Variants in PXDNL observed in about 807,000 individuals in gnomAD.
PXDNL encodes the protein peroxidasin like.
Under a neutral mutation model 150.8 loss-of-function variants are expected in PXDNL, and 145 were observed. The observed-to-expected ratio is 0.96, with a 90% CI of 0.84 to 1.10. PXDNL has a LOEUF of 1.10. Among genes scored for constraint, PXDNL ranks in the 50% least tolerant of loss-of-function variants. PXDNL has a pLI of 0.00. For missense variants in PXDNL, 2,087 were observed against 1,873.9 expected, an observed-to-expected ratio of 1.11 and a Z score of -2.10; for synonymous variants, 757 against 725.7, an observed-to-expected ratio of 1.04 and a Z score of -0.69.
At chr8:51,538,654 C>A (rs990004766) in intron 4 of PXDNL, among the ~76,000 whole-genome samples, 10 of 152,000 alleles carry the variant, frequency 6.6e-5, no homozygotes, top group African/African-American at 2.2e-4. Flanking sequence ...GTAATCCCAG[C>A]TACTCAGGAG....
chr8:51,463,791 A>G (rs563688378), intron 8 of PXDNL, among the ~76,000 whole-genome samples: 1 of 152,316 alleles, frequency 6.6e-6, no homozygotes, highest in African/African-American at 2.4e-5. Context: ...AAAAATGAAT[A>G]CCAAGAATAT....
chr8:51,680,844 T>G (rs1427641195), intron 1 of PXDNL, among the ~76,000 whole-genome samples: 2 of 152,204 alleles, frequency 1.3e-5, no homozygotes, highest in Non-Finnish European at 2.9e-5. Flanking sequence ...TTAAGGGAAT[T>G]AATGAGGTGG....
intron 17 of PXDNL, among the ~76,000 whole-genome samples, chr8:51,403,352 T>C (rs1350077499): frequency 6.6e-6 from 1 of 152,164 alleles, no homozygotes; most frequent in African/African-American, 2.4e-5. Context: ...CTGACAGCAG[T>C]GAACTCTGAG....
chr8:51,615,240 C>T (rs574961931), intron 2 of PXDNL, among the ~76,000 whole-genome samples: 1 of 151,848 alleles, frequency 6.6e-6, no homozygotes, highest in South Asian at 2.1e-4. Flanking sequence ...TGAGAATTTA[C>T]TCATTTAAAA....
intron 4 of PXDNL, among the ~76,000 whole-genome samples, chr8:51,510,672 C>A (rs1268246170): frequency 1.3e-5 from 2 of 152,076 alleles, no homozygotes; most frequent in East Asian, 3.9e-4. Context: ...CCCAGGAGAC[C>A]TGAGGCTCAT....
chr8:51,803,770 T>C (rs1013268545), intron 1 of PXDNL, among the ~76,000 whole-genome samples: 1 of 152,222 alleles, frequency 6.6e-6, no homozygotes, highest in Admixed American at 6.5e-5. Flanking sequence ...TTCTAGCCTA[T>C]GTGGCCTTTT....
chr8:51,456,059 G>A (rs1809931454), intron 9 of PXDNL, among the ~76,000 whole-genome samples: 1 of 152,070 alleles, frequency 6.6e-6, no homozygotes, highest in African/African-American at 2.4e-5. Context: ...ACTCTCTTCT[G>A]CCCTGTGGCA....
chr8:51,684,144 A>C (rs922876286), intron 1 of PXDNL, among the ~76,000 whole-genome samples: 5 of 152,200 alleles, frequency 3.3e-5, no homozygotes, highest in Non-Finnish European at 5.9e-5. Flanking sequence ...ACATGCATCC[A>C]CATGCTTATA....
At chr8:51,496,457 G>A (rs1276761544) in intron 5 of PXDNL, among the ~76,000 whole-genome samples, 1 of 152,136 alleles carries the variant, frequency 6.6e-6, no homozygotes, top group East Asian at 1.9e-4. Context: ...AGGAAATAAA[G>A]GGTATTCAAT....
chr8:51,438,411 CTA>C (rs1809458301), intron 12 of PXDNL, among the ~76,000 whole-genome samples: 1 of 152,136 alleles, frequency 6.6e-6, no homozygotes, highest in South Asian at 2.1e-4. Context: ...TGACTTCAAA[CTA>C]TACTATAAGG....
intron 1 of PXDNL, among the ~76,000 whole-genome samples, chr8:51,803,224 T>A (rs1231878288): frequency 3.9e-5 from 6 of 152,310 alleles, no homozygotes; most frequent in Non-Finnish European, 8.8e-5. Context: ...GTCCTGACTG[T>A]TGATCTAGAC....
intron 3 of PXDNL, among the ~76,000 whole-genome samples, chr8:51,589,809 G>C (rs1234964141): frequency 6.6e-6 from 1 of 152,154 alleles, no homozygotes; most frequent in African/African-American, 2.4e-5. Flanking sequence ...AAAACAGAAA[G>C]ATTTGGAAAA....
In PXDNL at chr8:51,748,599, T is replaced by C. The variant is rs187003418; in HGVS notation, c.164+60582A>G. ...TAGCAAGAACAGCTGGAAAGTTTGT[T>C]TGGGCATGGGGGTGAAGCAGGAGTT... On this transcript the variant is annotated intron_variant, in intron 1 of 22. Coordinates refer to ENST00000356297, the MANE Select transcript of PXDNL (RefSeq NM_144651.5). Among the ~76,000 whole-genome samples, 595 of 152,256 alleles carry C rather than the reference T, an allele frequency of 3.9e-3. 2 individuals are homozygous for C. The highest frequency in any genetic ancestry group is 0.02 in the Middle Eastern group (6 of 294).
At chr8:51,761,511 T>C (rs975984860) in intron 1 of PXDNL, among the ~76,000 whole-genome samples, 1 of 152,226 alleles carries the variant, frequency 6.6e-6, no homozygotes. Flanking sequence ...AGGCTATGCC[T>C]CACCGTATTT....
At chr8:51,724,336 A>G (rs2130922211) in intron 1 of PXDNL, among the ~76,000 whole-genome samples, 1 of 152,258 alleles carries the variant, frequency 6.6e-6, no homozygotes, top group Admixed American at 6.5e-5. Flanking sequence ...AAGAGATGTC[A>G]TCAGAGGAGA....
intron 4 of PXDNL, among the ~76,000 whole-genome samples, chr8:51,549,513 A>G (rs1320891836): frequency 6.6e-6 from 1 of 152,200 alleles, no homozygotes; most frequent in African/African-American, 2.4e-5. Context: ...AAAATTGGAA[A>G]TTCACTCTAA....
chr8:51,441,951 A>G (rs11780995), intron 12 of PXDNL, among the ~76,000 whole-genome samples: 81,718 of 151,710 alleles, frequency 0.54, 26,057 homozygotes, highest in Non-Finnish European at 0.7. Flanking sequence ...GAGCACCCTG[A>G]TGACCAAATA....
chr8:51,704,055 C>A (rs768585210), intron 1 of PXDNL, among the ~76,000 whole-genome samples: 3 of 152,130 alleles, frequency 2.0e-5, no homozygotes, highest in African/African-American at 4.8e-5. Flanking sequence ...AGAGAACTAC[C>A]AAGAACATTG....
At chr8:51,377,070 T>C (rs1563381355) in intron 17 of PXDNL, among the ~76,000 whole-genome samples, 1 of 150,290 alleles carries the variant, frequency 6.7e-6, no homozygotes, top group Non-Finnish European at 1.5e-5. Flanking sequence ...TCTGCTTTAA[T>C]GTCACCATCA....
Sources: allele counts gnomAD v4.1 joint callset (sites outside exome capture counted in the v4.1 genomes callset), GRCh38; gene constraint gnomAD v4.1.1; transcripts MANE v1.5; gene names NCBI Gene and HGNC (gene_info 2026-07-23, HGNC 2026-07-21).